NCOR1: variants seen among roughly 807,000 people sequenced by gnomAD.
The protein encoded by NCOR1 is protein phosphatase 1, regulatory subunit 109.
A neutral mutation model predicts 288.1 loss-of-function variants in NCOR1; 63 were observed. That is an observed-to-expected ratio of 0.22 (90% CI 0.18 to 0.27). The LOEUF (loss-of-function observed/expected upper bound fraction) is 0.27. Ranked by LOEUF, NCOR1 falls within the 10% of genes least tolerant of loss-of-function variation. NCOR1 has a pLI of 1.00. For missense variants in NCOR1, 2,397 were observed against 3,019.2 expected (o/e 0.79, Z 4.83); for synonymous variants, 1,007 against 1,065.9 (o/e 0.94, Z 1.08).
intron 35 of NCOR1, among the ~76,000 whole-genome samples, chr17:16,063,689 C>A (rs1007920261): frequency 6.6e-6 from 1 of 152,168 alleles, no homozygotes; most frequent in Non-Finnish European, 1.5e-5. Context: ...ATTCAAGATG[C>A]TACACAAGCT....
At chr17:16,104,531 G>T (rs1467233289) in intron 19 of NCOR1, among the ~76,000 whole-genome samples, 1 of 152,202 alleles carries the variant, frequency 6.6e-6, no homozygotes, top group Admixed American at 6.5e-5. Flanking sequence ...AGCACTTTGG[G>T]AAGTTAAGGC....
chr17:16,062,127 G>T lies in NCOR1; in HGVS notation c.5365C>A (p.Pro1789Thr). ...NGTSVITPLD[P>T]TAQLRIMPLP... Reference sequence around the variant, plus strand: ...GACATGATTCGTAGCTGAGCAGTTGGATCCAAAGGTGTGATTACACTGGTT... The same window carrying T: ...GACATGATTCGTAGCTGAGCAGTTGTATCCAAAGGTGTGATTACACTGGTT... The change falls in exon 36 of 46, where the codon CCA becomes ACA. Residue 1789 changes from proline (P) to threonine (T), a missense_variant. Pro to Thr is a conservative substitution (Grantham distance 38). Coordinates refer to ENST00000268712, the MANE Select transcript of NCOR1 (RefSeq NM_006311.4). The T allele has an allele frequency of 6.2e-7, 1 of 1,612,674 alleles. No homozygotes were observed. Among genetic ancestry groups the T allele is most frequent in the Non-Finnish European group, 8.5e-7 (1 of 1,179,712 alleles).
intron 21 of NCOR1, among the ~76,000 whole-genome samples, chr17:16,092,691 ATATATTTTTTTTTT>A (rs1260268797): frequency 7.4e-4 from 8 of 10,854 alleles, no homozygotes; most frequent in African/African-American, 2.2e-3. Context: ...ATATATATAT[ATATATTTTTTTTTT>A]TTTTTTTTTT....
intron 1 of NCOR1, among the ~76,000 whole-genome samples, chr17:16,199,150 CAA>C (rs1263015105): frequency 2.1e-5 from 2 of 94,618 alleles, no homozygotes. Flanking sequence ...TTTATTATCT[CAA>C]AAAAAAAAAA....
chr17:16,033,351 A>G (rs1597511513), intron 45 of NCOR1, among the ~76,000 whole-genome samples: 1 of 151,848 alleles, frequency 6.6e-6, no homozygotes, highest in East Asian at 1.9e-4. Context: ...AAAAAAAAAA[A>G]AAAACCCAAA....
chr17:16,196,346 T>C (rs2089786251), intron 1 of NCOR1, among the ~76,000 whole-genome samples: 1 of 152,016 alleles, frequency 6.6e-6, no homozygotes, highest in Non-Finnish European at 1.5e-5. Flanking sequence ...TAAAATTTTT[T>C]AGGGAATTGT....
chr17:16,086,237 A>T (rs1430028600), intron 23 of NCOR1, 45 bp downstream of exon 23: 3 of 1,572,554 alleles, frequency 1.9e-6, no homozygotes, highest in African/African-American at 2.7e-5. Context: ...GTTTTAACAA[A>T]GCCATATTCA....
At chr17:16,158,726 A>C in intron 6 of NCOR1, 34 bp downstream of exon 6, 1 of 1,405,150 alleles carries the variant, frequency 7.1e-7, no homozygotes, top group Non-Finnish European at 1.0e-6. Context: ...AGTGGGGTTA[A>C]AGGCCTGTGC....
chr17:16,136,308 C>T (rs2076384000), intron 14 of NCOR1, among the ~76,000 whole-genome samples: 1 of 152,148 alleles, frequency 6.6e-6, no homozygotes, highest in Non-Finnish European at 1.5e-5. Flanking sequence ...ACCTCAGCCT[C>T]CCATGTATCT....
intron 1 of NCOR1, among the ~76,000 whole-genome samples, chr17:16,195,095 A>G (rs147178351): frequency 0.023 from 3,473 of 152,294 alleles, 89 homozygotes; most frequent in African/African-American, 0.055. Context: ...ATAAAATACT[A>G]AGTTTTGTAA....
chr17:16,044,486 G>T (rs1168896177), intron 42 of NCOR1: 1 of 476,146 alleles, frequency 2.1e-6, no homozygotes, highest in Non-Finnish European at 4.3e-6. Flanking sequence ...AAATAAAGCA[G>T]ATCGTCCTTT....
chr17:16,107,049 T>C (rs1568058431), intron 19 of NCOR1, among the ~76,000 whole-genome samples: 2 of 151,210 alleles, frequency 1.3e-5, no homozygotes, highest in Admixed American at 6.6e-5. Flanking sequence ...CCCGCCACCA[T>C]GCCCGGCTAA....
chr17:16,132,743 T>A (rs2075824745), intron 14 of NCOR1, among the ~76,000 whole-genome samples: 1 of 151,312 alleles, frequency 6.6e-6, no homozygotes, highest in Non-Finnish European at 1.5e-5. Flanking sequence ...CAACAGGTTT[T>A]AAAAAATCAA....
chr17:16,090,795 G>C (rs926331472), intron 22 of NCOR1, among the ~76,000 whole-genome samples: 1 of 152,108 alleles, frequency 6.6e-6, no homozygotes, highest in Non-Finnish European at 1.5e-5. Context: ...GGTGTGATCT[G>C]GGCAGAGTCA....
At position 16,121,041 on chromosome 17, in the gene NCOR1, T is replaced by C; in HGVS notation, c.1852+11A>G. 1 of 1,608,926 alleles carries C rather than the reference T, an allele frequency of 6.2e-7. No homozygotes were observed. The highest frequency in any genetic ancestry group is 8.5e-7 in the Non-Finnish European group (1 of 1,176,422). On this transcript the variant is annotated intron_variant, in intron 16 of 45. Transcript: ENST00000268712. Reference sequence around the variant, plus strand: ...AATTATGGCCTGTTTATGCCAATTGTTTCCACTCACTGGGTTCTGGTGGCG... The same window carrying C: ...AATTATGGCCTGTTTATGCCAATTGCTTCCACTCACTGGGTTCTGGTGGCG...
At chr17:16,119,626 T>C in intron 16 of NCOR1, 141 bp from the exon 17 acceptor site, 1 of 505,570 alleles carries the variant, frequency 2.0e-6, no homozygotes, top group Non-Finnish European at 3.5e-6. Flanking sequence ...AGAAATAGGA[T>C]AGTAACCTCT....
rs1019556532 is a variant in NCOR1 at position 16,158,108 on chromosome 17, G to C, written c.732+652C>G. Among the ~76,000 whole-genome samples the C allele has an allele frequency of 9.2e-5, 14 of 152,098 alleles. No individual in the cohort carries two copies. The East Asian group carries it at 2.7e-3, about 29-fold the overall frequency. ...CCTGCCTCAGCCTCTCGAGTAGCTG[G>C]GACTACAGGCATGCGCCACCACGCC... On this transcript the variant is annotated intron_variant, in intron 6 of 45. Transcript: ENST00000268712.
chr17:16,127,563 A>ATC (rs1368587425), intron 14 of NCOR1, among the ~76,000 whole-genome samples: 4 of 138,568 alleles, frequency 2.9e-5, no homozygotes, highest in East Asian at 2.2e-4. Flanking sequence ...ATGTGTATAT[A>ATC]TGTATGTATA....
At chr17:16,150,872 T>C (rs1183595699) in intron 8 of NCOR1, among the ~76,000 whole-genome samples, 5 of 152,024 alleles carry the variant, frequency 3.3e-5, no homozygotes, top group Admixed American at 6.6e-5. Flanking sequence ...CACAGAAAAA[T>C]TGACAAATAC....
Sources: allele counts gnomAD v4.1 joint callset (sites outside exome capture counted in the v4.1 genomes callset), GRCh38; gene constraint gnomAD v4.1.1; transcripts MANE v1.5; gene names NCBI Gene and HGNC (gene_info 2026-07-23, HGNC 2026-07-21).